Variants in NEK11 observed in about 807,000 individuals in gnomAD.
The protein encoded by NEK11 is serine/threonine-protein kinase Nek11.
NEK11 carries 72 observed loss-of-function variants against 80.7 expected under a neutral mutation model. That is an observed-to-expected ratio of 0.89 (90% CI 0.74 to 1.08). The LOEUF is 1.08. Ranked by LOEUF, NEK11 falls within the 50% of genes least tolerant of loss-of-function variation. The pLI is 0.00. For missense variants in NEK11, 764 were observed against 763.6 expected, an observed-to-expected ratio of 1.00 and a Z score of -0.01; for synonymous variants, 251 against 260.7, an observed-to-expected ratio of 0.96 and a Z score of 0.36.
intron 17 of NEK11, among the ~76,000 whole-genome samples, chr3:131,319,322 C>T (rs2096874961): frequency 6.6e-6 from 1 of 152,126 alleles, no homozygotes; most frequent in African/African-American, 2.4e-5. Context: ...TCCCTTGGCA[C>T]TCACTAGGCA....
chr3:131,327,610 T>C (rs1461733255), intron 17 of NEK11: 3 of 152,082 alleles, frequency 2.0e-5, no homozygotes, highest in African/African-American at 4.8e-5. Flanking sequence ...ATTCACACTC[T>C]TTATTTATAC....
intron 16 of NEK11, among the ~76,000 whole-genome samples, chr3:131,248,897 A>G (rs1308566596): frequency 3.3e-5 from 5 of 152,136 alleles, no homozygotes; most frequent in Non-Finnish European, 7.4e-5. Flanking sequence ...TATCTGTTTT[A>G]TAAATTGAAT....
chr3:131,186,019 A>G (rs2093585893), intron 14 of NEK11, among the ~76,000 whole-genome samples: 1 of 152,204 alleles, frequency 6.6e-6, no homozygotes, highest in Non-Finnish European at 1.5e-5. Context: ...GGAACAAATA[A>G]GATGATACAC....
intron 5 of NEK11, among the ~76,000 whole-genome samples, chr3:131,125,067 T>G (rs760277986): frequency 6.6e-6 from 1 of 152,216 alleles, no homozygotes; most frequent in Non-Finnish European, 1.5e-5. Flanking sequence ...CTCTCTATTC[T>G]TAGAAACATA....
At chr3:131,235,703 C>T (rs902469972) in intron 15 of NEK11, among the ~76,000 whole-genome samples, 1 of 152,166 alleles carries the variant, frequency 6.6e-6, no homozygotes, top group African/African-American at 2.4e-5. Flanking sequence ...TTATCCCATT[C>T]ATACTCACAG....
chr3:131,074,902 T>C (rs2074082386), intron 3 of NEK11, among the ~76,000 whole-genome samples: 1 of 152,192 alleles, frequency 6.6e-6, no homozygotes, highest in Non-Finnish European at 1.5e-5. Context: ...CTGAGCTCTC[T>C]TGGAGGGCAG....
chr3:131,182,256 T>A (rs1484586546), intron 14 of NEK11, among the ~76,000 whole-genome samples: 1 of 152,162 alleles, frequency 6.6e-6, no homozygotes, highest in Admixed American at 6.5e-5. Context: ...CTTTTTCTCT[T>A]GCTTCTAAAA....
Position 131,044,447 on chromosome 3 carries a change from G to T in NEK11, c.170+14569G>T, listed in dbSNP as rs1316958326. Among the ~76,000 whole-genome samples, 239 of 24,650 alleles carry T rather than the reference G, an allele frequency of 9.7e-3. 1 individual carries two copies. Among genetic ancestry groups the T allele is most frequent in the African/African-American group, 0.03 (218 of 7,232 alleles). The allele number at this position is 24,650 out of a possible 152,430, so 16.2% of individuals were successfully genotyped here. A position where few individuals can be genotyped will look rare whatever the true frequency, so the allele number is the denominator to read the frequency against. On this transcript the variant is annotated intron_variant, in intron 3 of 17. Coordinates refer to ENST00000383366, the MANE Select transcript of NEK11 (RefSeq NM_024800.5). ...CAAAAAAAAAAAAAAAAAAAAAGGTGGGGGGGGGGGTTGGAATCCTAGTCT... is the reference window on the plus strand; with the variant it reads ...CAAAAAAAAAAAAAAAAAAAAAGGTTGGGGGGGGGGTTGGAATCCTAGTCT...
chr3:131,346,237 C>G (rs1470332864), intron 17 of NEK11, among the ~76,000 whole-genome samples: 1 of 152,146 alleles, frequency 6.6e-6, no homozygotes, highest in African/African-American at 2.4e-5. Context: ...ATATATTAAT[C>G]TGCTTCACTA....
At chr3:131,280,103 G>A (rs2096371477) in intron 17 of NEK11, among the ~76,000 whole-genome samples, 2 of 152,188 alleles carry the variant, frequency 1.3e-5, no homozygotes, top group African/African-American at 4.8e-5. Context: ...GAAAAGGCCT[G>A]AGAATCTGGG....
chr3:131,189,613 T>C (rs1006994518), intron 14 of NEK11, among the ~76,000 whole-genome samples: 1 of 152,202 alleles, frequency 6.6e-6, no homozygotes, highest in African/African-American at 2.4e-5. Context: ...ACACAAACAT[T>C]AAAACCAAAC....
chr3:131,036,763 G>T (rs140554412), intron 3 of NEK11, among the ~76,000 whole-genome samples: 145 of 152,274 alleles, frequency 9.5e-4, no homozygotes, highest in African/African-American at 3.4e-3. Flanking sequence ...AGCAGGTCTG[G>T]TAGGAGGGGC....
chr3:131,207,069 A>T (rs1261101003), intron 14 of NEK11, among the ~76,000 whole-genome samples: 1 of 152,160 alleles, frequency 6.6e-6, no homozygotes, highest in East Asian at 1.9e-4. Context: ...TCTATCATTG[A>T]TGGACATTTG....
chr3:131,061,389 G>A (rs559819181), intron 3 of NEK11, among the ~76,000 whole-genome samples: 1 of 152,100 alleles, frequency 6.6e-6, no homozygotes, highest in South Asian at 2.1e-4. Flanking sequence ...TGTAGGGCAG[G>A]TAGGGCAGGA....
intron 7 of NEK11, among the ~76,000 whole-genome samples, chr3:131,148,305 T>C (rs1443095058): frequency 6.6e-6 from 1 of 151,980 alleles, no homozygotes; most frequent in Non-Finnish European, 1.5e-5. Context: ...TGAATCAACG[T>C]TCATGAAAAC....
intron 15 of NEK11, among the ~76,000 whole-genome samples, chr3:131,230,159 T>TTA (rs3050803): frequency 0.77 from 117,093 of 151,864 alleles, 45,228 homozygotes; most frequent in South Asian, 0.81. Context: ...GCTACTAATA[T>TTA]TCACTTAGAA....
intron 4 of NEK11, among the ~76,000 whole-genome samples, chr3:131,088,846 A>G (rs1262205738): frequency 6.6e-6 from 1 of 152,182 alleles, no homozygotes; most frequent in East Asian, 1.9e-4. Flanking sequence ...TAAGAGCATA[A>G]TGTGGCTTGA....
At chr3:131,193,976 G>C (rs959490757) in intron 14 of NEK11, among the ~76,000 whole-genome samples, 4 of 152,128 alleles carry the variant, frequency 2.6e-5, no homozygotes, top group African/African-American at 9.7e-5. Flanking sequence ...ATAGTCCTTG[G>C]AAAGCTGTAG....
At chr3:131,110,163 A>G (rs2079871232) in intron 5 of NEK11, among the ~76,000 whole-genome samples, 1 of 152,128 alleles carries the variant, frequency 6.6e-6, no homozygotes, top group African/African-American at 2.4e-5. Flanking sequence ...TAAGACAGAA[A>G]TTTGTATTAA....
Sources: gnomAD v4.1 joint callset for allele counts (sites outside exome capture counted in the v4.1 genomes callset) on GRCh38, gnomAD v4.1.1 for gene constraint, MANE v1.5 for transcripts, NCBI Gene and HGNC (gene_info 2026-07-23, HGNC 2026-07-21) for gene names.